ZNF701: variants seen among roughly 807,000 people sequenced by gnomAD.
ZNF701 encodes zinc finger protein 701.
In ZNF701, 6 loss-of-function variants were observed where a neutral mutation model predicts 7.1. That is an observed-to-expected ratio of 0.84 (90% CI 0.46 to 1.66). The LOEUF (loss-of-function observed/expected upper bound fraction) is 1.66. ZNF701 is among the 40% of genes most tolerant of loss of function. The pLI is 0.01. For missense variants in ZNF701, 541 were observed against 559.2 expected, an observed-to-expected ratio of 0.97 and a Z score of 0.33; for synonymous variants, 166 against 188.2, an observed-to-expected ratio of 0.88 and a Z score of 0.97.
chr19:52,592,773 A>AGAGATGGGATATGACCATG, the ZNF701 span, among the ~76,000 whole-genome samples: 58 of 123,358 alleles, frequency 4.7e-4, no homozygotes, highest in South Asian at 1.3e-3. Flanking sequence ...TATTTTTTTT[A>AGAGATGGGATATGACCATG]TTTTTATTTT....
intron 3 of ZNF701, among the ~76,000 whole-genome samples, chr19:52,576,686 G>A (rs925850824): frequency 6.8e-6 from 1 of 147,726 alleles, no homozygotes; most frequent in Non-Finnish European, 1.5e-5. Context: ...GCATTCAGAA[G>A]GAGGCAGTCA....
chr19:52,592,526 C>T, the ZNF701 span, among the ~76,000 whole-genome samples: 3 of 152,198 alleles, frequency 2.0e-5, no homozygotes, highest in Non-Finnish European at 2.9e-5. Flanking sequence ...CACCATGGCC[C>T]AGGATATGAG....
the ZNF701 span, among the ~76,000 whole-genome samples, chr19:52,593,106 C>T: frequency 8.5e-6 from 1 of 117,962 alleles, no homozygotes; most frequent in African/African-American, 3.3e-5. Context: ...GTAAGGTCAC[C>T]GATAAACAGG....
chr19:52,594,657 G>T, the ZNF701 span, among the ~76,000 whole-genome samples: 1 of 151,882 alleles, frequency 6.6e-6, no homozygotes, highest in Non-Finnish European at 1.5e-5. Context: ...GGGATTACAG[G>T]CATGTGCCAC....
Position 52,582,504 on chromosome 19 carries a change from C to G in ZNF701, c.445C>G (p.Pro149Ala), listed in dbSNP as rs1242927598. 2 of 1,614,006 alleles carry G rather than the reference C, an allele frequency of 1.2e-6. No individual in the cohort carries two copies. The highest frequency in any genetic ancestry group is 1.7e-6 in the Non-Finnish European group (2 of 1,180,032). ...ELGSSFHSHL[P>A]EVHIFHPEGK... Reference sequence around the variant, plus strand: ...TGGATCAAGCTTTCATTCGCATCTGCCTGAAGTGCACATATTTCACCCCGA... The same window carrying G: ...TGGATCAAGCTTTCATTCGCATCTGGCTGAAGTGCACATATTTCACCCCGA... The change falls in exon 4 of 4, where the codon CCT becomes GCT. Residue 149 changes from proline to alanine, a missense_variant. Physicochemically the swap from Pro to Ala is conservative, Grantham distance 27. Coordinates refer to ENST00000391785, the MANE Select transcript of ZNF701 (RefSeq NM_018260.3).
chr19:52,571,769 C>G (rs113280204), intron 1 of ZNF701, among the ~76,000 whole-genome samples: 123 of 151,952 alleles, frequency 8.1e-4, no homozygotes, highest in Non-Finnish European at 1.7e-3. Context: ...GATGCACTTT[C>G]GCTCTTGTTG....
At chr19:52,574,196 C>T in intron 2 of ZNF701, 34 bp downstream of exon 2, 2 of 1,603,194 alleles carry the variant, frequency 1.2e-6, no homozygotes, top group Non-Finnish European at 1.7e-6. Flanking sequence ...TGTTCTGTCT[C>T]CTTCCTTTCA....
At chr19:52,571,323 C>T (rs751541947) in intron 1 of ZNF701, among the ~76,000 whole-genome samples, 4 of 151,780 alleles carry the variant, frequency 2.6e-5, no homozygotes, top group East Asian at 1.9e-4. Flanking sequence ...GGGAGAACCA[C>T]AGCAGGGAGG....
chr19:52,589,293 G>A (rs2060027383), downstream of ZNF701, among the ~76,000 whole-genome samples: 1 of 152,112 alleles, frequency 6.6e-6, no homozygotes, highest in Non-Finnish European at 1.5e-5. Flanking sequence ...TTCCTTGAGA[G>A]TCTGAGTAGA....
rs531559783 is a variant in ZNF701 at position 52,582,250 on chromosome 19, G to A, written c.191G>A (p.Gly64Asp). 9.3e-6 allele frequency: 15 copies of A among 1,605,892 alleles called. No homozygotes were observed. The African/African-American group carries it at 1.2e-4, about 13-fold the overall frequency. ...MMKMFSSTGQGNTEVVHTGTL... is the reference protein window; with the variant it reads ...MMKMFSSTGQDNTEVVHTGTL... ...AAGATGTTCTCATCAACAGGACAAG[G>A]CAATACAGAAGTGGTCCACACAGGG... Residue 64 changes from glycine to aspartate, a missense_variant, in exon 4 of 4, where the codon GGC becomes GAC. Coordinates refer to ENST00000391785, the MANE Select transcript of ZNF701 (RefSeq NM_018260.3).
intron 1 of ZNF701, chr19:52,572,149 T>G: frequency 3.5e-6 from 1 of 289,338 alleles, no homozygotes. Flanking sequence ...TACCTCCCGG[T>G]TTTAAGCGAT....
At position 52,571,486 on chromosome 19, in the gene ZNF701, A is replaced by G. The variant is rs765703338; in HGVS notation, c.-72+1156A>G. Among the ~76,000 whole-genome samples the G allele has an allele frequency of 6.7e-4, 102 of 152,194 alleles. 1 individual carries two copies. The highest frequency in any genetic ancestry group is 2.2e-4 in the Non-Finnish European group (15 of 68,040). On this transcript the variant is annotated intron_variant, in intron 1 of 3. Coordinates refer to ENST00000391785, the MANE Select transcript of ZNF701 (RefSeq NM_018260.3). ...GATCGAAGAATTGGGGAGAAGGAGC[A>G]ACAAGAGATTAAATAAGACGTGAGG...
intron 3 of ZNF701, among the ~76,000 whole-genome samples, chr19:52,581,825 A>G (rs374395): frequency 0.27 from 41,544 of 151,992 alleles, 6,756 homozygotes; most frequent in African/African-American, 0.46. Flanking sequence ...GCATTTATTT[A>G]TTTACACTAA....
downstream of ZNF701, among the ~76,000 whole-genome samples, chr19:52,590,443 A>G (rs35217466): frequency 0.12 from 18,269 of 152,114 alleles, 1,213 homozygotes; most frequent in Middle Eastern, 0.16. Flanking sequence ...GAACCCATGT[A>G]TTGAGTTTTT....
chr19:52,572,063 T>C (rs1268879506), intron 1 of ZNF701, among the ~76,000 whole-genome samples: 2 of 152,128 alleles, frequency 1.3e-5, no homozygotes, highest in Non-Finnish European at 2.9e-5. Context: ...CCTCAGGTGA[T>C]CTGCCCACCT....
chr19:52,577,458 TA>T (rs1158147427), intron 3 of ZNF701, among the ~76,000 whole-genome samples: 2 of 149,570 alleles, frequency 1.3e-5, no homozygotes, highest in African/African-American at 5.0e-5. Context: ...AGAAGAGTCA[TA>T]ATACAAATTA....
intron 3 of ZNF701, among the ~76,000 whole-genome samples, chr19:52,578,480 C>G (rs963673169): frequency 7.9e-5 from 12 of 152,114 alleles, no homozygotes; most frequent in African/African-American, 2.9e-4. Flanking sequence ...CACTACCTGT[C>G]TCCGCGTCTT....
At chr19:52,570,377 C>A in intron 1 of ZNF701, 47 bp downstream of exon 1, 1 of 152,664 alleles carries the variant, frequency 6.6e-6, no homozygotes, top group South Asian at 2.0e-4. Flanking sequence ...CCCATATCCC[C>A]GGCACTTCCG....
downstream of ZNF701, among the ~76,000 whole-genome samples, chr19:52,591,520 ACT>A (rs1310653427): frequency 6.6e-6 from 1 of 151,906 alleles, no homozygotes; most frequent in Non-Finnish European, 1.5e-5. Flanking sequence ...ACAGAGTCTA[ACT>A]CTGCAGCCCA....
Sources: allele counts gnomAD v4.1 joint callset (sites outside exome capture counted in the v4.1 genomes callset), GRCh38; gene constraint gnomAD v4.1.1; transcripts MANE v1.5; gene names NCBI Gene and HGNC (gene_info 2026-07-23, HGNC 2026-07-21).